The following TRPC5 variants were observed in gnomAD, a reference collection of about 807,000 sequenced individuals.
TRPC5 encodes the protein transient receptor potential cation channel subfamily C member 5.
A neutral mutation model predicts 56.5 loss-of-function variants in TRPC5; 9 were observed. The observed-to-expected ratio is 0.16, with a 90% CI of 0.10 to 0.28. The LOEUF (loss-of-function observed/expected upper bound fraction) is 0.28, where lower values mean the gene tolerates loss of function less well. TRPC5 is among the 10% of genes least tolerant of loss of function. TRPC5 has a pLI of 1.00. For missense variants in TRPC5, 469 were observed against 748.9 expected, an observed-to-expected ratio of 0.63 and a Z score of 4.36; for synonymous variants, 282 against 278.5, an observed-to-expected ratio of 1.01 and a Z score of -0.13.
At chrX:111,868,750 A>G (rs73266317) in intron 3 of TRPC5, among the ~76,000 whole-genome samples, 2,665 of 111,938 alleles carry the variant, frequency 0.024, 32 homozygotes, top group Middle Eastern at 0.064. Context: ...AGGAAGAAAC[A>G]GCAGTTACTG....
rs748347017 is a variant in TRPC5 at position 112,057,118 on chromosome X, G to A, written c.-22+24761C>T. Reference sequence around the variant, plus strand: ...TTTAGACGCTCTGCCTAAATGCTCAGAAGAGTTTCTGCTTCAGCTGACAAG... The same window carrying A: ...TTTAGACGCTCTGCCTAAATGCTCAAAAGAGTTTCTGCTTCAGCTGACAAG... On this transcript the variant is annotated intron_variant, in intron 1 of 10. Transcript: ENST00000262839. Among the ~76,000 whole-genome samples, 7 of 111,750 alleles carry A rather than the reference G, an allele frequency of 6.3e-5. No individual in the cohort carries two copies. The South Asian group carries it at 1.5e-3, about 24-fold the overall frequency.
chrX:112,012,370 T>C (rs1929013724), intron 1 of TRPC5, among the ~76,000 whole-genome samples: 1 of 111,340 alleles, frequency 9.0e-6, no homozygotes, highest in Non-Finnish European at 1.9e-5. Context: ...TCAAGTCTCT[T>C]TTTTTTTCTT....
intron 3 of TRPC5, among the ~76,000 whole-genome samples, chrX:111,866,189 G>T (rs1169533696): frequency 5.3e-5 from 6 of 113,780 alleles, no homozygotes; most frequent in African/African-American, 1.9e-4. Context: ...TTCCCCATTG[G>T]CCTTGCGGCC....
chrX:111,970,924 C>T (rs1390602372), intron 1 of TRPC5, among the ~76,000 whole-genome samples: 1 of 109,616 alleles, frequency 9.1e-6, no homozygotes, highest in Non-Finnish European at 1.9e-5. Flanking sequence ...ACTACAGGCG[C>T]CCACCACCAC....
At chrX:111,854,253 T>C in intron 3 of TRPC5, 147 bp from the exon 4 acceptor site, 1 of 534,711 alleles carries the variant, frequency 1.9e-6, no homozygotes, top group Non-Finnish European at 3.0e-6. Context: ...TGCCTGTGAA[T>C]GCATCTAACC....
intron 1 of TRPC5, among the ~76,000 whole-genome samples, chrX:111,966,146 T>C (rs1459737767): frequency 9.0e-6 from 1 of 111,179 alleles, no homozygotes; most frequent in Non-Finnish European, 1.9e-5. Flanking sequence ...ATAAAGGGGA[T>C]ATCACCACCG....
intron 1 of TRPC5, among the ~76,000 whole-genome samples, chrX:111,956,790 T>C (rs892860935): frequency 2.7e-5 from 3 of 111,620 alleles, no homozygotes; most frequent in African/African-American, 9.8e-5. Flanking sequence ...AATGAAAAAG[T>C]CCCCTTGACA....
chrX:111,966,004 C>T (rs1302556395), intron 1 of TRPC5, among the ~76,000 whole-genome samples: 1 of 111,539 alleles, frequency 9.0e-6, no homozygotes, highest in African/African-American at 3.3e-5. Flanking sequence ...GAAATAGAGA[C>T]ACAAAAAACC....
chrX:112,057,369 GT>G (rs1029754629), intron 1 of TRPC5, among the ~76,000 whole-genome samples: 5 of 111,583 alleles, frequency 4.5e-5, no homozygotes, highest in Admixed American at 3.8e-4. Flanking sequence ...AAATAAGTTT[GT>G]TTGGCTTCAA....
chrX:111,938,531 A>C, intron 2 of TRPC5, among the ~76,000 whole-genome samples: 1 of 111,309 alleles, frequency 9.0e-6, no homozygotes. Context: ...ATCAATACCT[A>C]ATTTATTGAG....
chrX:111,949,186 CT>C (rs1419938788), intron 2 of TRPC5, among the ~76,000 whole-genome samples: 1 of 112,053 alleles, frequency 8.9e-6, no homozygotes, highest in Non-Finnish European at 1.9e-5. Context: ...CAAAAATCAA[CT>C]CAAGATGGAT....
intron 1 of TRPC5, among the ~76,000 whole-genome samples, chrX:112,066,298 T>C (rs777867888): frequency 1.8e-5 from 2 of 111,103 alleles, no homozygotes; most frequent in Non-Finnish European, 3.8e-5. Flanking sequence ...GTTGTTTTCA[T>C]TGAATACTCA....
chrX:111,845,813 T>C (rs1452948214), intron 6 of TRPC5, among the ~76,000 whole-genome samples: 1 of 111,944 alleles, frequency 8.9e-6, no homozygotes, highest in Admixed American at 9.5e-5. Flanking sequence ...TTAACCAAAA[T>C]AGCACTATCT....
At chrX:111,904,574 G>C (rs904185286) in intron 3 of TRPC5, among the ~76,000 whole-genome samples, 38 of 110,965 alleles carry the variant, frequency 3.4e-4, no homozygotes, top group African/African-American at 1.2e-3. Context: ...ATAAGTGGGA[G>C]CTGAACTATG....
Position 111,944,267 on chromosome X carries a change from A to AGTGTGTGT in TRPC5, c.378+7768_378+7775dup, listed in dbSNP as rs36057312. On this transcript the variant is annotated intron_variant, in intron 2 of 10. Coordinates refer to ENST00000262839, the MANE Select transcript of TRPC5 (RefSeq NM_012471.3). ...GGCCAAGGAGGTGTGGGAGTAGAAG[A>AGTGTGTGT]GTGTGTGTGTGTGTGTGTGTGTGTG... 4.6e-4 allele frequency among the ~76,000 whole-genome samples: 33 copies of AGTGTGTGT among 71,721 alleles called. 1 individual carries two copies. Among genetic ancestry groups the AGTGTGTGT allele is most frequent in the South Asian group, 2.1e-3 (2 of 950 alleles). 62.3% of individuals were successfully genotyped at this position (71,721 alleles called of 115,157 possible).
intron 1 of TRPC5, among the ~76,000 whole-genome samples, chrX:111,958,267 T>C (rs1927286999): frequency 8.9e-6 from 1 of 112,251 alleles, no homozygotes; most frequent in Non-Finnish European, 1.9e-5. Context: ...CATGTCATTC[T>C]ACATCTCACT....
intron 7 of TRPC5, among the ~76,000 whole-genome samples, chrX:111,831,923 T>C: frequency 9.0e-6 from 1 of 111,629 alleles, no homozygotes; most frequent in Non-Finnish European, 1.9e-5. Flanking sequence ...AAAATGGCAC[T>C]GAGGGCAGCT....
At chrX:111,944,304 G>A (rs868554174) in intron 2 of TRPC5, among the ~76,000 whole-genome samples, 33 of 70,249 alleles carry the variant, frequency 4.7e-4, no homozygotes, top group Middle Eastern at 0.016. Context: ...GTGTGTGTGT[G>A]AGAGAGAGAG....
chrX:112,051,343 C>T (rs1930207300), intron 1 of TRPC5, among the ~76,000 whole-genome samples: 1 of 112,010 alleles, frequency 8.9e-6, no homozygotes, highest in Admixed American at 9.5e-5. Flanking sequence ...GGTCCATTCC[C>T]TTTATTACAA....
Sources: allele counts gnomAD v4.1 joint callset (sites outside exome capture counted in the v4.1 genomes callset), GRCh38; gene constraint gnomAD v4.1.1; transcripts MANE v1.5; gene names NCBI Gene and HGNC (gene_info 2026-07-23, HGNC 2026-07-21).